Variants in PRUNE1 observed in about 807,000 individuals in gnomAD.
The protein encoded by PRUNE1 is exopolyphosphatase PRUNE1.
A neutral mutation model predicts 42.5 loss-of-function variants in PRUNE1; 25 were observed. That is an observed-to-expected ratio of 0.59 (90% CI 0.43 to 0.82). The LOEUF is 0.82. Among genes scored for constraint, PRUNE1 ranks in the 40% least tolerant of loss-of-function variants. The pLI, the probability that PRUNE1 is intolerant of heterozygous loss-of-function variation, is 0.00. For missense variants in PRUNE1, 443 were observed against 539.3 expected (o/e 0.82, Z 1.77); for synonymous variants, 203 against 217.1 (o/e 0.93, Z 0.57).
Position 151,027,258 on chromosome 1 carries a change from A to G in PRUNE1, c.705A>G (p.Arg235=). 6.2e-7 allele frequency: 1 copy of G among 1,611,038 alleles called. No individual in the cohort carries two copies. Among genetic ancestry groups the G allele is most frequent in the Non-Finnish European group, 8.5e-7 (1 of 1,177,328 alleles). ...GACTGACCACTGAGCAGATGCTGAG[A>G]AAAGACCAGAAGACTATCTATAGAC... ...VSGLTTEQML[R]KDQKTIYRQG... is the part of the protein sequence containing the mutation. Residue 235 remains arginine (R), a synonymous_variant, in exon 6 of 8, where the codon AGA becomes AGG. Transcript: ENST00000271620.
rs201990359 is a variant in PRUNE1 at position 151,025,606 on chromosome 1, T to C, written c.612T>C (p.Leu204=). 6.2e-7 allele frequency: 1 copy of C among 1,613,950 alleles called. No individual in the cohort carries two copies. The highest frequency in any genetic ancestry group is 1.3e-5 in the African/African-American group (1 of 75,016). The change falls in exon 5 of 8, where the codon CTT becomes CTC. Residue 204 remains leucine, a synonymous_variant. Transcript: ENST00000271620. The stretch of plus-strand genomic sequence containing the variant: ...AATATGTGGAGAAACTAGAGGCCCT[T>C]TTCCCAGACCTACCCAAGAGAAATG... ...DSKYVEKLEA[L]FPDLPKRNDI... is the part of the protein sequence containing the mutation.
At position 151,008,457 on chromosome 1, in the gene PRUNE1, A is replaced by G. The variant is rs915752903; in HGVS notation, c.-176A>G. ...ACGCCGGACTCCGGAGCGCCCGCTT[A>G]CGCAGTTCCTCCCGGGGTCGGAGGC... On this transcript the variant is annotated 5_prime_UTR_variant, in exon 1 of 8. Transcript: ENST00000271620. 5 of 1,096,550 alleles carry G rather than the reference A, an allele frequency of 4.6e-6. No homozygotes were observed. In the Admixed American group the frequency reaches 1.0e-4, roughly 23 times the overall value. The allele number at this position is 1,096,550 out of a possible 1,614,324, so 67.9% of individuals were successfully genotyped here.
intron 6 of PRUNE1, 27 bp downstream of exon 6, chr1:151,027,354 G>A (rs372937748): frequency 3.5e-5 from 54 of 1,526,686 alleles, no homozygotes; most frequent in South Asian, 1.6e-4. Context: ...GCTGTGGGTG[G>A]GGAGAGAAAG....
intron 6 of PRUNE1, among the ~76,000 whole-genome samples, chr1:151,027,747 AGTGTGTGTGTGTGTGTGTGT>A (rs3034003): frequency 7.6e-6 from 1 of 130,866 alleles, no homozygotes; most frequent in Non-Finnish European, 1.6e-5. Context: ...ACACCTAACT[AGTGTGTGTGTGTGTGTGTGT>A]GTGTGTGTGT....
chr1:151,027,179 T>G (rs1298552115), intron 5 of PRUNE1, 54 bp from the exon 6 acceptor site: 1 of 1,367,080 alleles, frequency 7.3e-7, no homozygotes, highest in Non-Finnish European at 1.0e-6. Flanking sequence ...GCCTTCTTGG[T>G]CTTGGGACCC....
Position 151,033,839 on chromosome 1 carries a change from C to T in PRUNE1, c.967C>T (p.Pro323Ser), listed in dbSNP as rs1375937759. ...AGTCCTGGAACGCTCCCACTCTCCA[C>T]CCCTGAAGCTGACCCCTGCCTCAAG... ...CEVLERSHSPPLKLTPASSTH... is the reference protein window; with the variant it reads ...CEVLERSHSPSLKLTPASSTH... Residue 323 changes from proline to serine, a missense_variant, in exon 8 of 8, where the codon CCC becomes TCC. Pro to Ser is a moderately conservative substitution (Grantham distance 74, BLOSUM62 -1). Coordinates refer to ENST00000271620, the MANE Select transcript of PRUNE1 (RefSeq NM_021222.3). The T allele has an allele frequency of 6.2e-7, 1 of 1,613,974 alleles. No individual in the cohort carries two copies. The highest frequency in any genetic ancestry group is 8.5e-7 in the Non-Finnish European group (1 of 1,179,966).
chr1:151,024,785 C>T lies in PRUNE1; in HGVS notation c.510C>T (p.Ala170=). The part of the protein sequence containing the change: ...APEILDRQTA[A]LLHGTIILDC... Reference sequence around the variant, plus strand: ...AGATCTTGGACAGGCAAACTGCAGCCCTTCTGCATGGTAAGGGTGGCTTTT... The same window carrying T: ...AGATCTTGGACAGGCAAACTGCAGCTCTTCTGCATGGTAAGGGTGGCTTTT... The change falls in exon 4 of 8, where the codon GCC becomes GCT. Residue 170 remains alanine (A), a synonymous_variant. Transcript: ENST00000271620. The T allele has an allele frequency of 6.2e-7, 1 of 1,611,898 alleles. No individual in the cohort carries two copies. The highest frequency in any genetic ancestry group is 8.5e-7 in the Non-Finnish European group (1 of 1,178,902).
chr1:151,027,963 G>A (rs76104463), intron 6 of PRUNE1, among the ~76,000 whole-genome samples: 1,928 of 152,152 alleles, frequency 0.013, 16 homozygotes, highest in Non-Finnish European at 0.021. Context: ...GGTTTACAGC[G>A]CCATGCTTGA....
intron 7 of PRUNE1, among the ~76,000 whole-genome samples, chr1:151,031,193 G>GTTT (rs777752037): frequency 9.2e-5 from 11 of 119,538 alleles, no homozygotes; most frequent in African/African-American, 2.5e-4. Flanking sequence ...GTGTGTGTGT[G>GTTT]TTTTTTTTTT....
At chr1:151,017,786 A>G in intron 1 of PRUNE1, 26 bp from the exon 2 acceptor site, 1 of 1,421,088 alleles carries the variant, frequency 7.0e-7, no homozygotes. Context: ...TACTTTTGTT[A>G]GTTTCCCATT....
Position 151,009,453 on chromosome 1 carries a change from C to T in PRUNE1, c.39+782C>T, listed in dbSNP as rs78779051. 8.7e-3 allele frequency among the ~76,000 whole-genome samples: 1,326 copies of T among 152,306 alleles called. 9 individuals are homozygous for T. Among genetic ancestry groups the T allele is most frequent in the Non-Finnish European group, 0.012 (839 of 68,030 alleles). On this transcript the variant is annotated intron_variant, in intron 1 of 7. Coordinates refer to ENST00000271620, the MANE Select transcript of PRUNE1 (RefSeq NM_021222.3). ...TGGTGCTCTCTGACTCAGTTGGACT[C>T]ACCCAGCCATGCTGAGCCGTCATGA... is the stretch of plus-strand genomic sequence containing the variant.
chr1:151,026,146 G>A (rs1674822396), intron 5 of PRUNE1, among the ~76,000 whole-genome samples: 1 of 151,938 alleles, frequency 6.6e-6, no homozygotes, highest in African/African-American at 2.4e-5. Flanking sequence ...TGGTTAGGAT[G>A]AGGAGGAATG....
At chr1:151,031,655 C>T (rs1396887902) in intron 7 of PRUNE1, among the ~76,000 whole-genome samples, 1 of 152,174 alleles carries the variant, frequency 6.6e-6, no homozygotes, top group East Asian at 1.9e-4. Flanking sequence ...TCATTGAAGC[C>T]TCAGTTTCCC....
In PRUNE1 at chr1:151,022,493, A is replaced by C. The variant is rs1481924664; in HGVS notation, c.336-2118A>C. The stretch of plus-strand genomic sequence containing the variant: ...GAGTGCACTGGCGCGATCTCGGCTC[A>C]CTGCAAGCTCCGCCTCCCGGGTTCA... On this transcript the variant is annotated intron_variant, in intron 3 of 7. Transcript: ENST00000271620. 4.8e-5 allele frequency among the ~76,000 whole-genome samples: 7 copies of C among 146,954 alleles called. No individual in the cohort carries two copies. In the Admixed American group the frequency reaches 4.8e-4, roughly 10 times the overall value.
At chr1:151,017,767 G>T in intron 1 of PRUNE1, 45 bp from the exon 2 acceptor site, 4 of 1,234,738 alleles carry the variant, frequency 3.2e-6, no homozygotes, top group Non-Finnish European at 3.5e-6. Context: ...AAGTGGAAAT[G>T]AATAGAGATA....
intron 1 of PRUNE1, among the ~76,000 whole-genome samples, chr1:151,015,357 C>T (rs1176993702): frequency 7.8e-5 from 10 of 128,268 alleles, no homozygotes; most frequent in South Asian, 2.6e-4. Context: ...AAACAAGGGC[C>T]GGGCACGGTG....
At chr1:151,011,354 A>G (rs1428699897) in intron 1 of PRUNE1, among the ~76,000 whole-genome samples, 20 of 151,844 alleles carry the variant, frequency 1.3e-4, no homozygotes, top group Admixed American at 1.2e-3. Flanking sequence ...CAAATGTCCT[A>G]TTTATGGTGA....
intron 6 of PRUNE1, among the ~76,000 whole-genome samples, chr1:151,027,767 TGTGTGTGTGTGTGTGC>T (rs1284143980): frequency 2.0e-5 from 3 of 148,320 alleles, no homozygotes; most frequent in Non-Finnish European, 4.5e-5. Context: ...TGTGTGTGTG[TGTGTGTGTGTGTGTGC>T]GCGCGCGTGT....
intron 3 of PRUNE1, among the ~76,000 whole-genome samples, chr1:151,019,299 G>A (rs1222689632): frequency 6.6e-6 from 1 of 152,086 alleles, no homozygotes; most frequent in Admixed American, 6.6e-5. Flanking sequence ...GCTCACGCCT[G>A]TAATCTCAGC....
Sources: gnomAD v4.1 joint callset for allele counts (sites outside exome capture counted in the v4.1 genomes callset) on GRCh38, gnomAD v4.1.1 for gene constraint, MANE v1.5 for transcripts, NCBI Gene and HGNC (gene_info 2026-07-23, HGNC 2026-07-21) for gene names.